BMS1: variants seen among roughly 807,000 people sequenced by gnomAD.
BMS1 encodes BMS1 ribosome biogenesis factor.
In BMS1, 53 loss-of-function variants were observed where a neutral mutation model predicts 138.7. The observed-to-expected ratio is 0.38, with a 90% CI of 0.31 to 0.48. The LOEUF is 0.48. Ranked by LOEUF, BMS1 falls within the 20% of genes least tolerant of loss-of-function variation. BMS1 has a pLI of 0.97. For synonymous variants in BMS1, 504 were observed against 539.9 expected (o/e 0.93, Z 0.92); for missense variants, 1,360 against 1,565.5 (o/e 0.87, Z 2.22).
At position 42,796,623 on chromosome 10, in the gene BMS1, C is replaced by G. The variant is rs746287331; in HGVS notation, c.1379C>G (p.Ser460Cys). 5 of 1,614,064 alleles carry G rather than the reference C, an allele frequency of 3.1e-6. No individual in the cohort carries two copies. The South Asian group carries it at 5.5e-5, about 18-fold the overall frequency. Residue 460 changes from serine (S) to cysteine (C), a missense_variant, in exon 10 of 23, where the codon TCT becomes TGT. This residue lies in a region of BMS1 where 697 missense variants were observed against 686.2 expected (regional missense o/e 1.02). Transcript: ENST00000374518. ...MSEDDGLENG[S>C]SDEEAEEEEN... ...GAAGATGACGGGTTGGAAAACGGCT[C>G]TAGTGATGAGGAAGCAGAAGAGGAG...
rs1176670066 is a variant in BMS1, at chr10:42,832,268, T to A, written c.*1172T>A. 6.6e-6 allele frequency: 1 copy of A among 151,900 alleles called. No homozygotes were observed. Among genetic ancestry groups the A allele is most frequent in the African/African-American group, 2.4e-5 (1 of 41,312 alleles). 9.4% of individuals were successfully genotyped at this position (151,900 alleles called of 1,614,324 possible). A position where few individuals can be genotyped will look rare whatever the true frequency, so the allele number is the denominator to read the frequency against. ...GGCAAAACCTCATCGCTACAAAAAA[T>A]AAAAAATTCGCCAGGTGTGGTGGGT... On this transcript the variant is annotated 3_prime_UTR_variant, in exon 23 of 23. Transcript: ENST00000374518.
chr10:42,809,952 A>ATTTTTTTTT (rs34656411), intron 13 of BMS1, among the ~76,000 whole-genome samples: 1 of 114,024 alleles, frequency 8.8e-6, no homozygotes, highest in Non-Finnish European at 1.7e-5. Flanking sequence ...TGTCTGGCTA[A>ATTTTTTTTT]TTTTTTTTTT....
intron 4 of BMS1, among the ~76,000 whole-genome samples, chr10:42,788,073 T>A (rs1841392051): frequency 6.6e-6 from 1 of 152,204 alleles, no homozygotes; most frequent in Non-Finnish European, 1.5e-5. Flanking sequence ...TTTTATACTT[T>A]GGCCCAGGAA....
intron 12 of BMS1, among the ~76,000 whole-genome samples, chr10:42,799,203 G>A (rs1841795356): frequency 6.6e-6 from 1 of 152,140 alleles, no homozygotes; most frequent in Non-Finnish European, 1.5e-5. Context: ...ACGACCTCCT[G>A]GGCTCAAGGG....
chr10:42,794,621 C>T (rs563154590), intron 9 of BMS1, among the ~76,000 whole-genome samples: 7 of 150,520 alleles, frequency 4.7e-5, no homozygotes, highest in Admixed American at 2.0e-4. Context: ...AAGTGTTCGC[C>T]GAAAGATCAC....
chr10:42,783,409 G>A (rs1002496446), intron 1 of BMS1, among the ~76,000 whole-genome samples: 1 of 152,158 alleles, frequency 6.6e-6, no homozygotes, highest in African/African-American at 2.4e-5. Flanking sequence ...ATTGCGTGGC[G>A]CGGAAGATAA....
At chr10:42,786,219 T>C (rs1207087470) in intron 3 of BMS1, among the ~76,000 whole-genome samples, 1 of 152,236 alleles carries the variant, frequency 6.6e-6, no homozygotes, top group Non-Finnish European at 1.5e-5. Context: ...GCTTGCCTTA[T>C]GAAGCCACAT....
intron 13 of BMS1, 103 bp downstream of exon 13, chr10:42,802,321 A>C: frequency 1.0e-6 from 1 of 1,001,828 alleles, no homozygotes; most frequent in Non-Finnish European, 1.4e-6. Flanking sequence ...TCACTTGTCA[A>C]ATGCTTTGGG....
At position 42,823,188 on chromosome 10, in the gene BMS1, G is replaced by A. The variant is rs188712956; in HGVS notation, c.3203G>A (p.Arg1068Lys). 1.1e-4 allele frequency: 172 copies of A among 1,608,704 alleles called. No individual in the cohort carries two copies. The Admixed American group carries it at 1.4e-3, about 13-fold the overall frequency. ...GTGATTCGAACAGTCAGTGGGATAA[G>A]GGGGCAGATCAAGAAAGCACTCCGA... ...GAVIRTVSGI[R>K]GQIKKALRAP... The change falls in exon 20 of 23, where the codon AGG (arginine) becomes AAG (lysine). Residue 1068 changes from arginine (R) to lysine (K), a missense_variant. Arg to Lys is a conservative substitution (Grantham distance 26). Coordinates refer to ENST00000374518, the MANE Select transcript of BMS1 (RefSeq NM_014753.4).
intron 15 of BMS1, among the ~76,000 whole-genome samples, chr10:42,818,053 T>A (rs1842401485): frequency 6.6e-6 from 1 of 152,220 alleles, no homozygotes; most frequent in Non-Finnish European, 1.5e-5. Context: ...GTGATCTCAC[T>A]CTGAAGGAGA....
intron 9 of BMS1, among the ~76,000 whole-genome samples, chr10:42,795,535 G>C (rs1474556889): frequency 6.6e-6 from 1 of 150,516 alleles, no homozygotes; most frequent in African/African-American, 2.4e-5. Context: ...TGCCCAGGCT[G>C]GTCTCAAACT....
chr10:42,822,451 G>GA (rs1842528769), intron 19 of BMS1, among the ~76,000 whole-genome samples: 1 of 152,218 alleles, frequency 6.6e-6, no homozygotes, highest in Non-Finnish European at 1.5e-5. Flanking sequence ...AACTCATATT[G>GA]AAAATATGTC....
At position 42,833,798 on chromosome 10, in the gene BMS1, A is replaced by G. The variant is rs993555131; in HGVS notation, c.*2702A>G. ...AATTACTTTTCAATACTAATGGCTT[A>G]TTAATTTGATATTGTCAGCAAGTAT... is the stretch of plus-strand genomic sequence containing the variant. On this transcript the variant is annotated 3_prime_UTR_variant, in exon 23 of 23. Coordinates refer to ENST00000374518, the MANE Select transcript of BMS1 (RefSeq NM_014753.4). 5 of 152,258 alleles carry G rather than the reference A, an allele frequency of 3.3e-5. No individual in the cohort carries two copies. The highest frequency in any genetic ancestry group is 1.2e-4 in the African/African-American group (5 of 41,472). 9.4% of individuals were successfully genotyped at this position (152,258 alleles called of 1,614,324 possible).
chr10:42,817,842 A>G (rs187980991), intron 15 of BMS1, among the ~76,000 whole-genome samples: 11 of 152,348 alleles, frequency 7.2e-5, no homozygotes, highest in East Asian at 3.9e-4. Context: ...GCCTATTCCA[A>G]TCGCTGCTCC....
chr10:42,791,505 G>A lies in BMS1; in HGVS notation c.637-122G>A, dbSNP rs1297079442. The A allele has an allele frequency of 7.9e-6, 8 of 1,012,716 alleles. No individual in the cohort carries two copies. The East Asian group carries it at 1.6e-4, about 21-fold the overall frequency. The allele number at this position is 1,012,716 out of a possible 1,614,324, so 62.7% of individuals were successfully genotyped here. On this transcript the variant is annotated intron_variant, in intron 5 of 22. Transcript: ENST00000374518. The stretch of plus-strand genomic sequence containing the variant: ...GCCAGCAAGGCTCTGGAAGCCTCAG[G>A]ACAGTGGCTTTGCTGGAAGTCTCCC...
chr10:42,790,392 GT>G lies in BMS1; in HGVS notation c.518del (p.Val173AspfsTer23), dbSNP rs1564409408. On this transcript the variant is annotated frameshift_variant, in exon 5 of 23. Coordinates refer to ENST00000374518, the MANE Select transcript of BMS1 (RefSeq NM_014753.4). LOFTEE classifies it high-confidence loss of function. Reference sequence around the variant, plus strand: ...GTTTGAGTTTCTAAACATCTGTCAAGTACATGGCTTTCCTAAAATTATGGGA... The same window carrying G: ...GTTTGAGTTTCTAAACATCTGTCAAGACATGGCTTTCCTAAAATTATGGGA... ...ETFEFLNICQ[V>X]HGFPKIMGVL... 1 of 1,613,876 alleles carries G rather than the reference GT, an allele frequency of 6.2e-7. No individual in the cohort carries two copies. Among genetic ancestry groups the G allele is most frequent in the East Asian group, 2.2e-5 (1 of 44,880 alleles).
At chr10:42,787,618 A>G (rs540914121) in intron 4 of BMS1, among the ~76,000 whole-genome samples, 241 of 152,324 alleles carry the variant, frequency 1.6e-3, no homozygotes, top group Non-Finnish European at 2.9e-3. Flanking sequence ...TGCTTTCTAC[A>G]AATTTAGCTT....
chr10:42,823,065 G>A, intron 19 of BMS1, 53 bp from the exon 20 acceptor site: 1 of 1,376,512 alleles, frequency 7.3e-7, no homozygotes, highest in Non-Finnish European at 9.5e-7. Context: ...AAGAAGTAAA[G>A]CATAAAGTAT....
intron 13 of BMS1, among the ~76,000 whole-genome samples, chr10:42,813,690 C>A (rs1206996780): frequency 6.6e-6 from 1 of 152,190 alleles, no homozygotes; most frequent in Non-Finnish European, 1.5e-5. Flanking sequence ...TTCATCCCTT[C>A]TGCATAAGAA....
Sources: gnomAD v4.1 joint callset for allele counts (sites outside exome capture counted in the v4.1 genomes callset) on GRCh38, gnomAD v4.1.1 for gene constraint, gnomAD v4.1.1 regional missense constraint, MANE v1.5 for transcripts, NCBI Gene and HGNC (gene_info 2026-07-23, HGNC 2026-07-21) for gene names.